The following MAGI2 variants were observed in gnomAD, a reference collection of about 807,000 sequenced individuals.
MAGI2 encodes the protein membrane associated guanylate kinase, WW and PDZ domain containing 2.
Under a neutral mutation model 133.3 loss-of-function variants are expected in MAGI2, and 35 were observed. That is an observed-to-expected ratio of 0.26 (90% CI 0.20 to 0.35). MAGI2 has a LOEUF of 0.35. MAGI2 is among the 10% of genes least tolerant of loss of function. MAGI2 has a pLI of 1.00. For synonymous variants in MAGI2, 729 were observed against 710.6 expected (o/e 1.03, Z -0.41); for missense variants, 1,636 against 1,863.4 (o/e 0.88, Z 2.25).
At chr7:79,018,305 G>T (rs1479010425) in intron 1 of MAGI2, among the ~76,000 whole-genome samples, 1 of 152,028 alleles carries the variant, frequency 6.6e-6, no homozygotes, top group African/African-American at 2.4e-5. Context: ...CTAAGCTTTC[G>T]AAGTGAAGGA....
intron 10 of MAGI2, among the ~76,000 whole-genome samples, chr7:78,215,287 T>C (rs1250850862): frequency 6.6e-6 from 1 of 152,076 alleles, no homozygotes; most frequent in Non-Finnish European, 1.5e-5. Flanking sequence ...TGGTGTTAAC[T>C]CTCCTGCATT....
At chr7:78,863,917 A>G (rs966803550) in intron 2 of MAGI2, among the ~76,000 whole-genome samples, 2 of 152,194 alleles carry the variant, frequency 1.3e-5, no homozygotes, top group South Asian at 4.1e-4. Context: ...CTTTACAATC[A>G]TTGAAGAACA....
At chr7:79,268,276 G>C (rs186073226) in intron 1 of MAGI2, among the ~76,000 whole-genome samples, 11 of 152,190 alleles carry the variant, frequency 7.2e-5, no homozygotes, top group Admixed American at 2.6e-4. Flanking sequence ...GAAATGTCTT[G>C]TATGAAAATA....
chr7:78,337,062 G>A (rs1455693154), intron 9 of MAGI2, among the ~76,000 whole-genome samples: 1 of 152,146 alleles, frequency 6.6e-6, no homozygotes, highest in African/African-American at 2.4e-5. Context: ...TGTAAAGAGG[G>A]AAGCTTTTTA....
intron 20 of MAGI2, among the ~76,000 whole-genome samples, chr7:78,120,950 G>A (rs1281465408): frequency 8.5e-5 from 11 of 129,118 alleles, no homozygotes; most frequent in East Asian, 4.4e-4. Flanking sequence ...GCAGTGAGCC[G>A]AGATCCCGCC....
intron 1 of MAGI2, among the ~76,000 whole-genome samples, chr7:79,033,896 T>A (rs910116462): frequency 6.6e-6 from 1 of 152,112 alleles, no homozygotes; most frequent in Non-Finnish European, 1.5e-5. Context: ...ATCTTTGAGT[T>A]CTAAATATAC....
chr7:79,112,579 T>C (rs1819018754), intron 1 of MAGI2, among the ~76,000 whole-genome samples: 1 of 152,230 alleles, frequency 6.6e-6, no homozygotes, highest in Admixed American at 6.5e-5. Flanking sequence ...TCCAAGACTA[T>C]TGTTATAATC....
intron 1 of MAGI2, among the ~76,000 whole-genome samples, chr7:79,336,073 C>A (rs1469451000): frequency 2.0e-5 from 3 of 152,026 alleles, no homozygotes; most frequent in Admixed American, 2.0e-4. Flanking sequence ...CTTGGGAAAT[C>A]AACTCAAATT....
At chr7:79,449,458 T>G (rs745459174) in intron 1 of MAGI2, among the ~76,000 whole-genome samples, 1 of 151,506 alleles carries the variant, frequency 6.6e-6, no homozygotes, top group Non-Finnish European at 1.5e-5. Flanking sequence ...ATAGCAGCCA[T>G]AGTGCAAGGA....
chr7:78,401,485 T>C (rs1203152909), intron 6 of MAGI2, among the ~76,000 whole-genome samples: 1 of 152,148 alleles, frequency 6.6e-6, no homozygotes, highest in African/African-American at 2.4e-5. Flanking sequence ...CTCTCTCATT[T>C]TGTTGAACCA....
intron 2 of MAGI2, among the ~76,000 whole-genome samples, chr7:78,963,835 T>C (rs890850567): frequency 6.6e-6 from 1 of 152,008 alleles, no homozygotes; most frequent in Non-Finnish European, 1.5e-5. Flanking sequence ...GTTCCTAATA[T>C]TTAAATTATC....
intron 2 of MAGI2, among the ~76,000 whole-genome samples, chr7:78,888,238 G>A (rs975742701): frequency 2.0e-5 from 3 of 152,190 alleles, no homozygotes; most frequent in Non-Finnish European, 4.4e-5. Context: ...CAGGAAGCTC[G>A]AATTGGGTGG....
chr7:78,438,490 G>C (rs551019217), intron 6 of MAGI2, among the ~76,000 whole-genome samples: 2 of 152,228 alleles, frequency 1.3e-5, no homozygotes, highest in East Asian at 3.9e-4. Context: ...CACTTCACCA[G>C]AATATAGGCA....
chr7:78,885,582 T>C (rs1331739093), intron 2 of MAGI2, among the ~76,000 whole-genome samples: 1 of 151,102 alleles, frequency 6.6e-6, no homozygotes, highest in African/African-American at 2.4e-5. Flanking sequence ...CCCTATATCT[T>C]AAAGTCTGCT....
At chr7:78,219,486 G>C (rs921873062) in intron 10 of MAGI2, among the ~76,000 whole-genome samples, 2 of 152,014 alleles carry the variant, frequency 1.3e-5, no homozygotes, top group Non-Finnish European at 2.9e-5. Context: ...CATTCTCCTG[G>C]GTTGAGTTCA....
At chr7:78,592,160 A>G (rs1305247397) in intron 3 of MAGI2, among the ~76,000 whole-genome samples, 1 of 152,230 alleles carries the variant, frequency 6.6e-6, no homozygotes, top group African/African-American at 2.4e-5. Flanking sequence ...TCTTTTAAAT[A>G]TAGCACTTTC....
At chr7:78,486,290 T>G (rs4140816) in intron 6 of MAGI2, 47,287 of 151,614 alleles carry the variant, frequency 0.31, 8,061 homozygotes, top group East Asian at 0.61. Context: ...TTTTTGGGAG[T>G]CTGGCAGTCC....
intron 2 of MAGI2, among the ~76,000 whole-genome samples, chr7:78,860,929 A>G (rs1794104001): frequency 6.6e-6 from 1 of 151,978 alleles, no homozygotes; most frequent in Non-Finnish European, 1.5e-5. Flanking sequence ...TTACCTACTC[A>G]AGCCTCAGCA....
chr7:78,215,590 A>G (rs1034242452), intron 10 of MAGI2, among the ~76,000 whole-genome samples: 1 of 152,042 alleles, frequency 6.6e-6, no homozygotes, highest in South Asian at 2.1e-4. Flanking sequence ...TAAAATGGAG[A>G]TGGAAAACGA....
Sources: gnomAD v4.1 joint callset for allele counts (sites outside exome capture counted in the v4.1 genomes callset) on GRCh38, gnomAD v4.1.1 for gene constraint, MANE v1.5 for transcripts, NCBI Gene and HGNC (gene_info 2026-07-23, HGNC 2026-07-21) for gene names.